Variants in CSMD1 observed in about 807,000 individuals in gnomAD.
CSMD1 encodes CUB and sushi domain-containing protein 1.
CSMD1 carries 213 observed loss-of-function variants against 417.5 expected under a neutral mutation model. That is an observed-to-expected ratio of 0.51 (90% CI 0.46 to 0.57). The LOEUF is 0.57. CSMD1 is among the 20% of genes least tolerant of loss of function. The pLI is 0.00. For missense variants in CSMD1, 6,923 were observed against 4,529.7 expected (o/e 1.53, Z -15.17); for synonymous variants, 2,862 against 1,736.8 (o/e 1.65, Z -16.11).
At chr8:4,521,995 T>C (rs1245703285) in intron 2 of CSMD1, among the ~76,000 whole-genome samples, 5 of 152,180 alleles carry the variant, frequency 3.3e-5, no homozygotes, top group South Asian at 2.1e-4. Flanking sequence ...TTATTAAATT[T>C]TGAAAATCAA....
intron 12 of CSMD1, among the ~76,000 whole-genome samples, chr8:3,422,746 TG>T (rs1365819299): frequency 1.3e-5 from 2 of 152,168 alleles, no homozygotes; most frequent in Non-Finnish European, 2.9e-5. Flanking sequence ...AAACATAGAC[TG>T]GGTAATGTAT....
At chr8:3,195,248 G>A (rs969051554) in intron 33 of CSMD1, among the ~76,000 whole-genome samples, 11 of 152,154 alleles carry the variant, frequency 7.2e-5, no homozygotes, top group African/African-American at 1.2e-4. Context: ...AGAGGGATGC[G>A]GGAGAAGACA....
At chr8:4,406,045 G>C (rs572099812) in intron 3 of CSMD1, among the ~76,000 whole-genome samples, 3 of 152,312 alleles carry the variant, frequency 2.0e-5, no homozygotes, top group African/African-American at 7.2e-5. Context: ...CTGGCTGCTG[G>C]AAACAATGCC....
intron 3 of CSMD1, among the ~76,000 whole-genome samples, chr8:4,373,310 T>C (rs577942098): frequency 4.7e-4 from 70 of 149,394 alleles, no homozygotes; most frequent in African/African-American, 1.6e-3. Context: ...CATTAGGTAA[T>C]AACCAAAGAA....
intron 50 of CSMD1, among the ~76,000 whole-genome samples, chr8:3,049,092 C>T (rs546247581): frequency 6.6e-5 from 10 of 152,178 alleles, no homozygotes; most frequent in African/African-American, 1.7e-4. Context: ...CAGATGCTCG[C>T]GACAACGTGG....
At chr8:4,194,000 C>G (rs1257228681) in intron 3 of CSMD1, among the ~76,000 whole-genome samples, 1 of 151,902 alleles carries the variant, frequency 6.6e-6, no homozygotes, top group Non-Finnish European at 1.5e-5. Flanking sequence ...CTATATATCC[C>G]CTTCATAATG....
At chr8:4,915,161 T>C (rs1331137711) in intron 1 of CSMD1, among the ~76,000 whole-genome samples, 1 of 152,246 alleles carries the variant, frequency 6.6e-6, no homozygotes. Context: ...ATGCTTATGA[T>C]TATATATATA....
intron 1 of CSMD1, among the ~76,000 whole-genome samples, chr8:4,646,290 A>C (rs1236918392): frequency 6.6e-6 from 1 of 152,188 alleles, no homozygotes; most frequent in Non-Finnish European, 1.5e-5. Context: ...TTATCTCTTA[A>C]TGAAATTCCC....
At chr8:4,885,427 G>A (rs888718534) in intron 1 of CSMD1, among the ~76,000 whole-genome samples, 8 of 152,148 alleles carry the variant, frequency 5.3e-5, no homozygotes, top group African/African-American at 1.7e-4. Flanking sequence ...TAGGGGGAAA[G>A]CGTTTAGTCT....
At chr8:2,945,141 G>C (rs1371491368) in intron 68 of CSMD1, among the ~76,000 whole-genome samples, 1 of 151,988 alleles carries the variant, frequency 6.6e-6, no homozygotes, top group East Asian at 1.9e-4. Context: ...ATAATATAAA[G>C]GAAAATTAAA....
chr8:4,060,645 C>A (rs1225900041), intron 3 of CSMD1, among the ~76,000 whole-genome samples: 2 of 152,108 alleles, frequency 1.3e-5, no homozygotes, highest in East Asian at 3.9e-4. Context: ...GGAGGATCTG[C>A]AAAGGAGAAG....
chr8:4,416,997 G>C (rs1329391011), intron 3 of CSMD1, among the ~76,000 whole-genome samples: 1 of 151,930 alleles, frequency 6.6e-6, no homozygotes, highest in Non-Finnish European at 1.5e-5. Flanking sequence ...AACTATGTTG[G>C]TTCACAATTA....
intron 37 of CSMD1, 106 bp from the exon 38 acceptor site, chr8:3,162,383 CAA>C: frequency 2.8e-6 from 2 of 724,016 alleles, no homozygotes; most frequent in Non-Finnish European, 4.8e-6. Context: ...TAGAAATGAA[CAA>C]AGACTTCAAC....
chr8:3,593,052 G>C (rs540099187), intron 8 of CSMD1, among the ~76,000 whole-genome samples: 4 of 152,254 alleles, frequency 2.6e-5, no homozygotes, highest in Non-Finnish European at 4.4e-5. Context: ...AGCCCTGGCT[G>C]GGGGGTCCTG....
chr8:4,275,598 T>A (rs975373983), intron 3 of CSMD1, among the ~76,000 whole-genome samples: 2 of 152,180 alleles, frequency 1.3e-5, no homozygotes, highest in African/African-American at 2.4e-5. Context: ...GGTAATATTG[T>A]AATTTTTAAC....
intron 12 of CSMD1, among the ~76,000 whole-genome samples, chr8:3,435,499 C>G (rs1258171512): frequency 6.6e-6 from 1 of 152,094 alleles, no homozygotes; most frequent in Non-Finnish European, 1.5e-5. Flanking sequence ...TTGGGCATTC[C>G]TGAAGCCCAC....
intron 5 of CSMD1, among the ~76,000 whole-genome samples, chr8:3,815,165 G>A (rs1243251531): frequency 1.3e-5 from 2 of 152,176 alleles, no homozygotes; most frequent in Non-Finnish European, 2.9e-5. Flanking sequence ...GTGAGAAGCT[G>A]TTAAGTTTCT....
chr8:3,749,610 T>C (rs1484119083), intron 6 of CSMD1, among the ~76,000 whole-genome samples: 1 of 152,208 alleles, frequency 6.6e-6, no homozygotes, highest in Non-Finnish European at 1.5e-5. Context: ...GAATATATTA[T>C]TTGTCTTTGA....
chr8:3,774,269 G>A (rs1165783405), intron 5 of CSMD1, among the ~76,000 whole-genome samples: 3 of 152,140 alleles, frequency 2.0e-5, no homozygotes, highest in East Asian at 1.9e-4. Flanking sequence ...ACAGATTGCT[G>A]CAATCAGAAT....
Sources: allele counts gnomAD v4.1 joint callset (sites outside exome capture counted in the v4.1 genomes callset), GRCh38; gene constraint gnomAD v4.1.1; transcripts MANE v1.5; gene names NCBI Gene and HGNC (gene_info 2026-07-23, HGNC 2026-07-21).